The following ZFAT variants were observed in gnomAD, a reference collection of about 807,000 sequenced individuals.
The protein encoded by ZFAT is zinc finger and AT-hook domain containing.
ZFAT carries 64 observed loss-of-function variants against 117.7 expected under a neutral mutation model. The ratio of observed to expected loss-of-function variants is 0.54; its 90% CI spans 0.44 to 0.67. The LOEUF (loss-of-function observed/expected upper bound fraction) is 0.67, where lower values mean the gene tolerates loss of function less well. ZFAT is among the 30% of genes least tolerant of loss of function. ZFAT has a pLI of 0.00. For synonymous variants in ZFAT, 679 were observed against 615.0 expected (o/e 1.10, Z -1.54); for missense variants, 1,433 against 1,584.5 (o/e 0.90, Z 1.62).
At chr8:134,713,373 T>C (rs1814111851), upstream of ZFAT, among the ~76,000 whole-genome samples, 1 of 152,234 alleles carries the variant, frequency 6.6e-6, no homozygotes, top group African/African-American at 2.4e-5. Flanking sequence ...GTCCCAGCTC[T>C]ACCTCTCACT....
chr8:134,703,986 C>A (rs144554945), intron 1 of ZFAT, among the ~76,000 whole-genome samples: 1 of 152,142 alleles, frequency 6.6e-6, no homozygotes, highest in East Asian at 1.9e-4. Context: ...GAAAACTCTA[C>A]GAGCATGCTA....
At chr8:134,798,070 T>C in the ZFAT span, 1 of 151,970 alleles carries the variant, frequency 6.6e-6, no homozygotes, top group African/African-American at 2.4e-5. Context: ...TCCCCCCATC[T>C]TGACTGACAT....
chr8:134,546,460 G>A (rs923517705), intron 11 of ZFAT, among the ~76,000 whole-genome samples: 9 of 152,184 alleles, frequency 5.9e-5, no homozygotes, highest in Admixed American at 5.9e-4. Context: ...CCTGAGAAGT[G>A]TGTAGCTGGG....
chr8:134,815,056 A>G, the ZFAT span, among the ~76,000 whole-genome samples: 1 of 152,264 alleles, frequency 6.6e-6, no homozygotes, highest in Non-Finnish European at 1.5e-5. Context: ...AGGTCCATTC[A>G]GCTAAATAAT....
intron 1 of ZFAT, among the ~76,000 whole-genome samples, chr8:134,682,687 A>T (rs995450832): frequency 1.3e-5 from 2 of 152,190 alleles, no homozygotes; most frequent in African/African-American, 4.8e-5. Context: ...AAATTAAATT[A>T]AAAAGTCTTT....
the ZFAT span, among the ~76,000 whole-genome samples, chr8:134,801,252 C>T: frequency 6.6e-6 from 1 of 152,066 alleles, no homozygotes; most frequent in Non-Finnish European, 1.5e-5. Context: ...GATCTCTTTC[C>T]ACCTTCTACT....
chr8:134,726,914 A>C, the ZFAT span, among the ~76,000 whole-genome samples: 1 of 151,742 alleles, frequency 6.6e-6, no homozygotes, highest in Non-Finnish European at 1.5e-5. Context: ...GGTATTTTCT[A>C]TCTATTGAGA....
the ZFAT span, among the ~76,000 whole-genome samples, chr8:134,737,494 G>A: frequency 6.6e-6 from 1 of 152,092 alleles, no homozygotes; most frequent in Non-Finnish European, 1.5e-5. Flanking sequence ...CAGTCATGGG[G>A]GCTGGGAGGA....
chr8:134,778,919 G>T, the ZFAT span, among the ~76,000 whole-genome samples: 1 of 152,176 alleles, frequency 6.6e-6, no homozygotes. Flanking sequence ...AACGAAGGTG[G>T]GCTTAACTCA....
At chr8:134,685,565 G>T (rs1833279319) in intron 1 of ZFAT, among the ~76,000 whole-genome samples, 1 of 152,154 alleles carries the variant, frequency 6.6e-6, no homozygotes, top group South Asian at 2.1e-4. Flanking sequence ...CCAGATATAA[G>T]TGATACCAAC....
chr8:134,583,031 T>C (rs1825815873), intron 10 of ZFAT, among the ~76,000 whole-genome samples: 1 of 152,196 alleles, frequency 6.6e-6, no homozygotes, highest in African/African-American at 2.4e-5. Flanking sequence ...ACAGTTTAGC[T>C]GCCTGTCTTC....
At chr8:134,786,739 C>T in the ZFAT span, among the ~76,000 whole-genome samples, 2 of 152,056 alleles carry the variant, frequency 1.3e-5, no homozygotes, top group South Asian at 4.2e-4. Context: ...CAAAAAATAT[C>T]TAAAATTTCA....
intron 11 of ZFAT, among the ~76,000 whole-genome samples, chr8:134,555,337 G>A (rs989667654): frequency 6.6e-6 from 1 of 152,208 alleles, no homozygotes; most frequent in African/African-American, 2.4e-5. Context: ...AGAAATAAAG[G>A]CAGGTATTCA....
chr8:134,729,062 A>G, the ZFAT span, among the ~76,000 whole-genome samples: 2 of 152,268 alleles, frequency 1.3e-5, no homozygotes, highest in African/African-American at 4.8e-5. Context: ...TTATACTATC[A>G]GGAAAGAATG....
intron 1 of ZFAT, among the ~76,000 whole-genome samples, chr8:134,709,568 C>T (rs1813910144): frequency 6.6e-6 from 1 of 152,222 alleles, no homozygotes; most frequent in African/African-American, 2.4e-5. Context: ...AGAGGGAAAA[C>T]TTAACTCTAG....
the ZFAT span, among the ~76,000 whole-genome samples, chr8:134,777,323 T>A: frequency 6.6e-6 from 1 of 152,150 alleles, no homozygotes; most frequent in African/African-American, 2.4e-5. Flanking sequence ...GGGGAGGAAA[T>A]GAACAACTCA....
chr8:134,594,922 C>A (rs1261777719), intron 7 of ZFAT: 1 of 152,240 alleles, frequency 6.6e-6, no homozygotes, highest in Non-Finnish European at 1.5e-5. Flanking sequence ...ATATCATAAA[C>A]ATCTGCCAGA....
At chr8:134,763,628 G>A in the ZFAT span, among the ~76,000 whole-genome samples, 2,862 of 152,240 alleles carry the variant, frequency 0.019, 72 homozygotes, top group African/African-American at 0.065. Context: ...TCAAGTACAG[G>A]AATTTTTATA....
chr8:134,512,410 G>T (rs370482868), intron 14 of ZFAT, 65 bp downstream of exon 14: 3 of 1,579,330 alleles, frequency 1.9e-6, no homozygotes, highest in African/African-American at 1.4e-5. Context: ...ATCTGCAAAC[G>T]CATTCATTCA....
Sources: allele counts gnomAD v4.1 joint callset (sites outside exome capture counted in the v4.1 genomes callset), GRCh38; gene constraint gnomAD v4.1.1; transcripts MANE v1.5; gene names NCBI Gene and HGNC (gene_info 2026-07-23, HGNC 2026-07-21).